HOOK3: variants seen among roughly 807,000 people sequenced by gnomAD.
The protein encoded by HOOK3 is hook microtubule tethering protein 3, also known as protein Hook homolog 3.
Under a neutral mutation model 116.3 loss-of-function variants are expected in HOOK3, and 24 were observed. The ratio of observed to expected loss-of-function variants is 0.21; its 90% CI spans 0.15 to 0.29. HOOK3 has a LOEUF of 0.29. HOOK3 is among the 10% of genes least tolerant of loss of function. The pLI, the probability that HOOK3 is intolerant of heterozygous loss-of-function variation, is 1.00. For missense variants in HOOK3, 632 were observed against 830.2 expected (o/e 0.76, Z 2.93); for synonymous variants, 275 against 283.0 (o/e 0.97, Z 0.28).
intron 14 of HOOK3, among the ~76,000 whole-genome samples, chr8:42,982,931 AT>A (rs1808979675): frequency 6.6e-6 from 1 of 152,244 alleles, no homozygotes; most frequent in Non-Finnish European, 1.5e-5. Context: ...GCCAATTGTT[AT>A]GTCCAAAGCT....
At chr8:42,927,555 C>T (rs1471536138) in intron 3 of HOOK3, among the ~76,000 whole-genome samples, 5 of 152,130 alleles carry the variant, frequency 3.3e-5, no homozygotes, top group South Asian at 2.1e-4. Context: ...TGTGCCCGGC[C>T]GGCCCTGTTT....
chr8:43,002,863 A>G (rs947603261), intron 17 of HOOK3, among the ~76,000 whole-genome samples: 5 of 152,124 alleles, frequency 3.3e-5, no homozygotes, highest in Non-Finnish European at 7.4e-5. Context: ...TCTTAAGTAA[A>G]TTTTTTAAAG....
At chr8:42,995,313 TCTTA>T (rs2130464405) in intron 15 of HOOK3, among the ~76,000 whole-genome samples, 1 of 152,338 alleles carries the variant, frequency 6.6e-6, no homozygotes, top group African/African-American at 2.4e-5. Flanking sequence ...CGAAAGTATT[TCTTA>T]CTAAGATAAC....
chr8:43,016,379 C>T (rs1366048617), intron 21 of HOOK3, among the ~76,000 whole-genome samples: 3 of 152,142 alleles, frequency 2.0e-5, no homozygotes, highest in Non-Finnish European at 4.4e-5. Flanking sequence ...CTCGGCCTCC[C>T]AAAGTGCTGG....
At chr8:43,000,176 T>G in intron 16 of HOOK3, 1 of 732,438 alleles carries the variant, frequency 1.4e-6, no homozygotes, top group Non-Finnish European at 2.1e-6. Context: ...CTTTTACTTC[T>G]GTTCATGAAT....
chr8:42,905,200 A>C (rs562527731), intron 1 of HOOK3, among the ~76,000 whole-genome samples: 46 of 152,094 alleles, frequency 3.0e-4, no homozygotes, highest in Middle Eastern at 3.4e-3. Context: ...CTGCAACCTC[A>C]CCAGATGTAA....
chr8:43,008,753 G>A (rs1360532306), intron 18 of HOOK3, among the ~76,000 whole-genome samples: 7 of 145,492 alleles, frequency 4.8e-5, no homozygotes, highest in Non-Finnish European at 7.6e-5. Context: ...TCCACCTCCC[G>A]GGTTCACGCC....
intron 5 of HOOK3, among the ~76,000 whole-genome samples, chr8:42,949,173 G>GTT (rs1251349180): frequency 6.6e-6 from 1 of 152,158 alleles, no homozygotes; most frequent in Non-Finnish European, 1.5e-5. Flanking sequence ...TGTGCATGTT[G>GTT]TTTGGATGTA....
chr8:42,930,035 G>A (rs1807844384), intron 3 of HOOK3, 87 bp from the exon 4 acceptor site: 1 of 1,184,272 alleles, frequency 8.4e-7, no homozygotes, highest in Non-Finnish European at 1.2e-6. Context: ...TAACTGCAGT[G>A]ATTGGTTGGC....
intron 21 of HOOK3, among the ~76,000 whole-genome samples, chr8:43,015,031 C>A (rs1809685048): frequency 6.6e-6 from 1 of 151,750 alleles, no homozygotes; most frequent in South Asian, 2.1e-4. Context: ...CCTCTAGTCC[C>A]AGCTACTCAG....
chr8:42,940,368 G>A (rs1006320852), intron 4 of HOOK3, among the ~76,000 whole-genome samples: 6 of 152,246 alleles, frequency 3.9e-5, no homozygotes, highest in Admixed American at 1.3e-4. Context: ...CGCAATCGCA[G>A]GCACTCGGCA....
intron 16 of HOOK3, chr8:43,001,001 A>T (rs1447850745): frequency 6.6e-6 from 1 of 152,212 alleles, no homozygotes; most frequent in Non-Finnish European, 1.5e-5. Flanking sequence ...ACAGTGGCTC[A>T]CACCTGTAAT....
rs1806990466 is a variant in HOOK3 at position 42,897,006 on chromosome 8, C to A, written c.-126C>A. ...GCCGCTGCCAGCGCTGGGCGAGAGT[C>A]GGCGGCCGGATCCGAGGAGCAGGCG... On this transcript the variant is annotated 5_prime_UTR_variant, in exon 1 of 22. Transcript: ENST00000307602. 1 of 609,396 alleles carries A rather than the reference C, an allele frequency of 1.6e-6. No individual in the cohort carries two copies. Among genetic ancestry groups the A allele is most frequent in the South Asian group, 8.4e-5 (1 of 11,962 alleles). 37.7% of individuals were successfully genotyped at this position (609,396 alleles called of 1,614,324 possible).
chr8:42,945,851 G>T (rs1402233977), intron 5 of HOOK3, among the ~76,000 whole-genome samples: 7 of 152,094 alleles, frequency 4.6e-5, no homozygotes, highest in Non-Finnish European at 1.0e-4. Flanking sequence ...TATACAGCAA[G>T]TCCAAGTTGA....
intron 5 of HOOK3, among the ~76,000 whole-genome samples, chr8:42,948,388 T>A (rs1808274745): frequency 6.6e-6 from 1 of 152,214 alleles, no homozygotes; most frequent in African/African-American, 2.4e-5. Context: ...TTCATAAATT[T>A]TTTTATTTAA....
intron 1 of HOOK3, among the ~76,000 whole-genome samples, chr8:42,900,139 G>C (rs1807155558): frequency 6.6e-6 from 1 of 152,110 alleles, no homozygotes; most frequent in African/African-American, 2.4e-5. Context: ...GAAAGAGAGA[G>C]TTACAAAAAG....
At chr8:42,977,922 A>C (rs1010351297) in intron 13 of HOOK3, among the ~76,000 whole-genome samples, 1 of 152,164 alleles carries the variant, frequency 6.6e-6, no homozygotes, top group Non-Finnish European at 1.5e-5. Flanking sequence ...AAGAAGGCCC[A>C]AAAAGATTCA....
intron 13 of HOOK3, 56 bp downstream of exon 13, chr8:42,974,250 G>T (rs918506600): frequency 4.6e-6 from 6 of 1,296,124 alleles, no homozygotes; most frequent in Non-Finnish European, 5.6e-6. Context: ...TGAGACGGGA[G>T]TTTCACTCTT....
chr8:43,024,106 G>T lies in HOOK3; in HGVS notation c.*5608G>T. On this transcript the variant is annotated 3_prime_UTR_variant, in exon 22 of 22. Coordinates refer to ENST00000307602, the MANE Select transcript of HOOK3 (RefSeq NM_032410.4). ...AACCGAGCTAGTTTACAGCCACGTG[G>T]ATAAGAACATCTTTGTTTCTAAAGT... is the stretch of plus-strand genomic sequence containing the variant. The T allele has an allele frequency of 4.8e-6, 1 of 207,472 alleles. No homozygotes were observed. Among genetic ancestry groups the T allele is most frequent in the Non-Finnish European group, 9.8e-6 (1 of 101,826 alleles). 12.9% of individuals were successfully genotyped at this position (207,472 alleles called of 1,614,324 possible).
Sources: allele counts gnomAD v4.1 joint callset (sites outside exome capture counted in the v4.1 genomes callset), GRCh38; gene constraint gnomAD v4.1.1; transcripts MANE v1.5; gene names NCBI Gene and HGNC (gene_info 2026-07-23, HGNC 2026-07-21).